The following PCDHA1 variants were observed in gnomAD, a reference collection of about 807,000 sequenced individuals.
PCDHA1 encodes the protein protocadherin alpha-1.
Under a neutral mutation model 61.3 loss-of-function variants are expected in PCDHA1, and 42 were observed. That is an observed-to-expected ratio of 0.69 (90% CI 0.54 to 0.89). PCDHA1 has a LOEUF of 0.89. PCDHA1 is among the 40% of genes least tolerant of loss of function. The probability of loss-of-function intolerance (pLI) is 0.00; values close to 1 mark genes in which losing one functional copy is unlikely to be tolerated. For synonymous variants in PCDHA1, 610 were observed against 553.8 expected (o/e 1.10, Z -1.43); for missense variants, 1,256 against 1,235.3 (o/e 1.02, Z -0.25).
intron 3 of PCDHA1, among the ~76,000 whole-genome samples, chr5:140,984,877 C>A (rs1178230954): frequency 1.3e-5 from 2 of 151,944 alleles, no homozygotes; most frequent in Non-Finnish European, 2.9e-5. Flanking sequence ...TATTGAGTTA[C>A]CATGAGAACT....
Position 140,928,756 on chromosome 5 carries a change from C to T in PCDHA1, c.2395-50193C>T. 2.5e-6 allele frequency: 4 copies of T among 1,614,164 alleles called. No individual in the cohort carries two copies. The highest frequency in any genetic ancestry group is 3.4e-6 in the Non-Finnish European group (4 of 1,180,032). On this transcript the variant is annotated intron_variant, in intron 1 of 3. Transcript: ENST00000504120. The stretch of plus-strand genomic sequence containing the variant: ...CAATATAGGTGAGCTCCGTACTGCT[C>T]GCTTAGTTCTTCCCACTGATGCAGT...
In PCDHA1 at chr5:140,857,333, G is replaced by A. The variant is rs200210897; in HGVS notation, c.2394+68649G>A. 35 of 1,598,586 alleles carry A rather than the reference G, an allele frequency of 2.2e-5. 1 individual carries two copies. The highest frequency in any genetic ancestry group is 4.4e-5 in the South Asian group (4 of 90,524). On this transcript the variant is annotated intron_variant, in intron 1 of 3. Coordinates refer to ENST00000504120, the MANE Select transcript of PCDHA1 (RefSeq NM_018900.4). ...TGAGCTGGTGGTGACCGCGCGGGAC[G>A]GGGGCTCGCCTCCGCTGTGGGCCAC... is the stretch of plus-strand genomic sequence containing the variant.
intron 1 of PCDHA1, chr5:140,834,738 G>A (rs2150225260): frequency 5.6e-6 from 9 of 1,614,242 alleles, no homozygotes; most frequent in Non-Finnish European, 7.6e-6. Context: ...GGTTTTCCAT[G>A]TGGACGTGGA....
chr5:140,923,885 AGAG>A (rs1190900836), intron 1 of PCDHA1, among the ~76,000 whole-genome samples: 7 of 152,210 alleles, frequency 4.6e-5, no homozygotes, highest in Non-Finnish European at 8.8e-5. Flanking sequence ...AGCGTGTGAA[AGAG>A]GAGGAGTTTC....
intron 1 of PCDHA1, among the ~76,000 whole-genome samples, chr5:140,957,750 TGTTCATTATATATGTTAAGTAAAAACTAA>T (rs1477515057): frequency 6.6e-6 from 1 of 152,128 alleles, no homozygotes; most frequent in African/African-American, 2.4e-5. Context: ...CATGAAAGGA[TGTTCATTATATATGTTAAGTAAAAACTAA>T]GTTCATCATA....
intron 1 of PCDHA1, chr5:140,841,679 G>C: frequency 6.2e-7 from 1 of 1,613,984 alleles, no homozygotes. Context: ...TTTCCATGTG[G>C]ACGTGGAGGT....
chr5:140,835,187 T>A (rs2150231689), intron 1 of PCDHA1: 1 of 1,533,756 alleles, frequency 6.5e-7, no homozygotes, highest in Non-Finnish European at 8.8e-7. Context: ...ATGCCTCAGA[T>A]TTAGACGAAG....
chr5:140,895,874 C>T (rs1051774060), intron 1 of PCDHA1, among the ~76,000 whole-genome samples: 5 of 152,120 alleles, frequency 3.3e-5, no homozygotes, highest in Admixed American at 2.6e-4. Context: ...TGCAATGGCG[C>T]GATCTCGGCT....
At chr5:141,003,517 T>C (rs538562882) in intron 3 of PCDHA1, among the ~76,000 whole-genome samples, 1 of 152,238 alleles carries the variant, frequency 6.6e-6, no homozygotes, top group East Asian at 1.9e-4. Context: ...TTCACCATGT[T>C]CCCTAGGCTG....
chr5:140,920,853 A>G (rs375783359), intron 1 of PCDHA1, among the ~76,000 whole-genome samples: 2 of 152,062 alleles, frequency 1.3e-5, no homozygotes, highest in Non-Finnish European at 2.9e-5. Context: ...AAAAAAAAAA[A>G]AAAAACAAAC....
At chr5:140,896,430 T>C (rs543866183) in intron 1 of PCDHA1, among the ~76,000 whole-genome samples, 41 of 152,158 alleles carry the variant, frequency 2.7e-4, no homozygotes, top group Non-Finnish European at 4.4e-4. Context: ...CCATTCTGAC[T>C]GGTGTGACTG....
chr5:140,968,312 C>A, intron 1 of PCDHA1: 2 of 1,613,960 alleles, frequency 1.2e-6, no homozygotes, highest in Non-Finnish European at 1.7e-6. Context: ...GATTCAAGGG[C>A]TGCCAGTCAC....
rs782009545 is a variant in PCDHA1, at chr5:140,809,462, T to A, written c.2394+20778T>A. On this transcript the variant is annotated intron_variant, in intron 1 of 3. Coordinates refer to ENST00000504120, the MANE Select transcript of PCDHA1 (RefSeq NM_018900.4). Reference sequence around the variant, plus strand: ...CTCGCAGCAGAGGAGGCCGAGGGTGTGCTCTGGTGAGGGCCCACCCAAGAC... The same window carrying A: ...CTCGCAGCAGAGGAGGCCGAGGGTGAGCTCTGGTGAGGGCCCACCCAAGAC... 41 of 1,614,090 alleles carry A rather than the reference T, an allele frequency of 2.5e-5. 1 individual carries two copies. In the South Asian group the frequency reaches 4.5e-4, roughly 18 times the overall value.
Position 140,830,106 on chromosome 5 carries a change from G to A in PCDHA1, c.2394+41422G>A. The A allele has an allele frequency of 1.9e-6, 3 of 1,613,618 alleles. No individual in the cohort carries two copies. In the South Asian group the frequency reaches 3.3e-5, roughly 18 times the overall value. On this transcript the variant is annotated intron_variant, in intron 1 of 3. Transcript: ENST00000504120. ...ACGGTTCTGGTGTCGCTGGTGGAGAGTGGCCAGGCTCCAAAGGCGTCATCA... is the reference window on the plus strand; with the variant it reads ...ACGGTTCTGGTGTCGCTGGTGGAGAATGGCCAGGCTCCAAAGGCGTCATCA...
intron 1 of PCDHA1, chr5:140,870,378 T>C (rs782676295): frequency 1.9e-6 from 3 of 1,614,036 alleles, no homozygotes; most frequent in African/African-American, 1.3e-5. Flanking sequence ...TGGTGGTGAC[T>C]GCGCGGGATG....
rs781995177 is a variant in PCDHA1 at position 140,857,719 on chromosome 5, G to T, written c.2394+69035G>T. 3.8e-6 allele frequency: 6 copies of T among 1,597,526 alleles called. No homozygotes were observed. The South Asian group carries it at 5.5e-5, about 15-fold the overall frequency. The stretch of plus-strand genomic sequence containing the variant: ...CGCTGCAGGTGTTCGTGCTGGACGA[G>T]AACGACAACGCTCCCGCGCTGCTGG... On this transcript the variant is annotated intron_variant, in intron 1 of 3. Transcript: ENST00000504120.
intron 1 of PCDHA1, chr5:140,857,039 G>A: frequency 6.3e-7 from 1 of 1,595,752 alleles, no homozygotes; most frequent in Non-Finnish European, 8.6e-7. Context: ...ACCTATGGTT[G>A]GTCACTGCAC....
chr5:140,821,716 A>G, intron 1 of PCDHA1: 1 of 1,489,172 alleles, frequency 6.7e-7, no homozygotes, highest in South Asian at 1.3e-5. Flanking sequence ...TGGGAATTGA[A>G]TTTACAAAAT....
At chr5:140,875,738 G>C (rs1197047985) in intron 1 of PCDHA1, 1 of 1,614,204 alleles carries the variant, frequency 6.2e-7, no homozygotes, top group Non-Finnish European at 8.5e-7. Context: ...GTGAATTCTC[G>C]GATCGACCGC....
Sources: gnomAD v4.1 joint callset for allele counts (sites outside exome capture counted in the v4.1 genomes callset) on GRCh38, gnomAD v4.1.1 for gene constraint, MANE v1.5 for transcripts, NCBI Gene and HGNC (gene_info 2026-07-23, HGNC 2026-07-21) for gene names.